Variants in GALK2 observed in about 807,000 individuals in gnomAD.
GALK2 encodes N-acetylgalactosamine kinase.
In GALK2, 36 loss-of-function variants were observed where a neutral mutation model predicts 52.4. That is an observed-to-expected ratio of 0.69 (90% CI 0.53 to 0.91). GALK2 has a LOEUF of 0.91. GALK2 is among the 40% of genes least tolerant of loss of function. The pLI, the probability that GALK2 is intolerant of heterozygous loss-of-function variation, is 0.00. For missense variants in GALK2, 579 were observed against 559.1 expected (o/e 1.04, Z -0.36); for synonymous variants, 176 against 199.1 (o/e 0.88, Z 0.98).
At chr15:49,176,439 A>C in intron 1 of GALK2, among the ~76,000 whole-genome samples, 1 of 152,246 alleles carries the variant, frequency 6.6e-6, no homozygotes, top group East Asian at 1.9e-4. Flanking sequence ...ACTTGGCCCA[A>C]ATAAACTCTG....
intron 3 of GALK2, among the ~76,000 whole-genome samples, chr15:49,340,728 T>G (rs2040593588): frequency 6.6e-6 from 1 of 152,162 alleles, no homozygotes; most frequent in Non-Finnish European, 1.5e-5. Flanking sequence ...ATTGACTACG[T>G]TGATGTTTTA....
intron 5 of GALK2, among the ~76,000 whole-genome samples, chr15:49,245,105 C>A (rs984432853): frequency 1.3e-5 from 2 of 151,738 alleles, no homozygotes; most frequent in African/African-American, 4.8e-5. Flanking sequence ...TGAATTTAAG[C>A]AAAATTTTGG....
At chr15:49,351,440 AT>A (rs1299010192) in intron 3 of GALK2, among the ~76,000 whole-genome samples, 1 of 152,146 alleles carries the variant, frequency 6.6e-6, no homozygotes, top group Non-Finnish European at 1.5e-5. Flanking sequence ...GACAATGTTG[AT>A]TTTTTTCTAA....
chr15:49,173,004 C>A (rs761883182), intron 1 of GALK2, among the ~76,000 whole-genome samples: 2 of 152,120 alleles, frequency 1.3e-5, no homozygotes, highest in African/African-American at 4.8e-5. Context: ...AAATTTAGAA[C>A]GTTTTCTTAG....
intron 1 of GALK2, among the ~76,000 whole-genome samples, chr15:49,163,006 G>A (rs1177370936): frequency 6.6e-6 from 1 of 152,166 alleles, no homozygotes; most frequent in Non-Finnish European, 1.5e-5. Flanking sequence ...TAAATATCTT[G>A]TAGTGAAATG....
intron 8 of GALK2, among the ~76,000 whole-genome samples, chr15:49,300,714 A>G (rs1265168387): frequency 6.6e-6 from 1 of 152,040 alleles, no homozygotes; most frequent in Non-Finnish European, 1.5e-5. Context: ...GGCTTTTCCA[A>G]CCTTCACTTG....
chr15:49,327,998 G>A lies in GALK2; in HGVS notation c.1216G>A (p.Gly406Ser), dbSNP rs1596160450. Reference sequence around the variant, plus strand: ...ACGACTTACTGGAGCAGGATGGGGAGGCTGCACAGTATCAATGGTACCTGC... The same window carrying A: ...ACGACTTACTGGAGCAGGATGGGGAAGCTGCACAGTATCAATGGTACCTGC... ...GSRLTGAGWG[G>S]CTVSMVPADK... is the part of the protein sequence containing the mutation. The change falls in exon 10 of 10, where the codon GGC (glycine) becomes AGC (serine). Residue 406 changes from glycine to serine, a missense_variant. Gly to Ser is a moderately conservative substitution (Grantham distance 56). Coordinates refer to ENST00000560031, the MANE Select transcript of GALK2 (RefSeq NM_002044.4). The A allele has an allele frequency of 1.2e-6, 2 of 1,613,870 alleles. No individual in the cohort carries two copies. The highest frequency in any genetic ancestry group is 1.7e-6 in the Non-Finnish European group (2 of 1,179,826).
chr15:49,268,896 A>G (rs1237942285), intron 5 of GALK2, among the ~76,000 whole-genome samples: 2 of 152,212 alleles, frequency 1.3e-5, no homozygotes, highest in African/African-American at 4.8e-5. Flanking sequence ...ATAGTGTGCT[A>G]AACTAAATGA....
At position 49,329,107 on chromosome 15, in the gene GALK2, T is replaced by C; in HGVS notation, c.*948T>C. 1 of 994,382 alleles carries C rather than the reference T, an allele frequency of 1.0e-6. No homozygotes were observed. Among genetic ancestry groups the C allele is most frequent in the Non-Finnish European group, 1.2e-6 (1 of 835,032 alleles). The allele number at this position is 994,382 out of a possible 1,614,324, so 61.6% of individuals were successfully genotyped here. The stretch of plus-strand genomic sequence containing the variant: ...CACATTCCTTATATCCCTTTTTTGC[T>C]TGTCTAGCAAAGCTTGTTTGTATAT... On this transcript the variant is annotated 3_prime_UTR_variant, in exon 10 of 10. Coordinates refer to ENST00000560031, the MANE Select transcript of GALK2 (RefSeq NM_002044.4).
chr15:49,312,374 C>A (rs1007566476), intron 8 of GALK2, among the ~76,000 whole-genome samples: 1 of 152,186 alleles, frequency 6.6e-6, no homozygotes, highest in Non-Finnish European at 1.5e-5. Context: ...GTGTCAGATG[C>A]TTGTTTCCTC....
chr15:49,158,274 T>C (rs765926402), intron 1 of GALK2, among the ~76,000 whole-genome samples: 1 of 152,194 alleles, frequency 6.6e-6, no homozygotes, highest in Non-Finnish European at 1.5e-5. Context: ...TTCAACAAGA[T>C]GACGGAATGA....
intron 3 of GALK2, among the ~76,000 whole-genome samples, chr15:49,355,903 C>T (rs1186390268): frequency 1.3e-5 from 2 of 151,840 alleles, no homozygotes; most frequent in African/African-American, 4.8e-5. Context: ...CGGCAGAAAC[C>T]CTACAAGCCA....
chr15:49,296,313 T>C (rs2034473177), intron 8 of GALK2, among the ~76,000 whole-genome samples: 1 of 152,150 alleles, frequency 6.6e-6, no homozygotes, highest in Admixed American at 6.5e-5. Flanking sequence ...TGTGTACTTT[T>C]CCTTTCTTTG....
At chr15:49,320,912 C>T (rs1391438116) in intron 9 of GALK2, among the ~76,000 whole-genome samples, 2 of 152,166 alleles carry the variant, frequency 1.3e-5, no homozygotes, top group African/African-American at 2.4e-5. Flanking sequence ...ATGTCTTTGC[C>T]TGGAAGGAAG....
At chr15:49,299,725 TCTTTCTTTC>T (rs1220750461) in intron 8 of GALK2, among the ~76,000 whole-genome samples, 2 of 34,806 alleles carry the variant, frequency 5.7e-5, no homozygotes, top group Middle Eastern at 0.013. Flanking sequence ...TTTCTTTCTT[TCTTTCTTTC>T]TTTTCTTTCT....
chr15:49,195,442 A>G (rs551811552), intron 1 of GALK2, among the ~76,000 whole-genome samples: 2 of 152,190 alleles, frequency 1.3e-5, no homozygotes, highest in Non-Finnish European at 1.5e-5. Flanking sequence ...CACGTTTATT[A>G]AGTTTGTTTG....
At chr15:49,232,219 A>G (rs961132986) in intron 3 of GALK2, among the ~76,000 whole-genome samples, 1 of 152,220 alleles carries the variant, frequency 6.6e-6, no homozygotes. Flanking sequence ...AACACCTCAT[A>G]GAAACACCAA....
At position 49,192,108 on chromosome 15, in the gene GALK2, C is replaced by T. The variant is rs191859058; in HGVS notation, c.54-9054C>T. On this transcript the variant is annotated intron_variant, in intron 1 of 9. Coordinates refer to ENST00000560031, the MANE Select transcript of GALK2 (RefSeq NM_002044.4). ...GTCACTATCATTGAGCACTTCCTTA[C>T]TTTCTGGTATAGAAAGATGTTTCAG... Among the ~76,000 whole-genome samples the T allele has an allele frequency of 2.6e-5, 4 of 152,146 alleles. 1 individual carries two copies. Among genetic ancestry groups the T allele is most frequent in the Admixed American group, 2.0e-4 (3 of 15,274 alleles).
chr15:49,334,609 G>A (rs577520825), downstream of GALK2, among the ~76,000 whole-genome samples: 16 of 152,188 alleles, frequency 1.1e-4, no homozygotes, highest in East Asian at 1.4e-3. Flanking sequence ...GTGTGTGGAC[G>A]TACACATGCG....
Sources: gnomAD v4.1 joint callset for allele counts (sites outside exome capture counted in the v4.1 genomes callset) on GRCh38, gnomAD v4.1.1 for gene constraint, MANE v1.5 for transcripts, NCBI Gene and HGNC (gene_info 2026-07-23, HGNC 2026-07-21) for gene names.